The following ANK3 variants were observed in gnomAD, a reference collection of about 807,000 sequenced individuals.
The protein encoded by ANK3 is ankyrin 3.
In ANK3, 57 loss-of-function variants were observed where a neutral mutation model predicts 370.9. That is an observed-to-expected ratio of 0.15 (90% CI 0.12 to 0.19). The LOEUF (loss-of-function observed/expected upper bound fraction) is 0.19, where lower values mean the gene tolerates loss of function less well. ANK3 is among the 10% of genes least tolerant of loss of function. The probability of loss-of-function intolerance (pLI) is 1.00; values close to 1 mark genes in which losing one functional copy is unlikely to be tolerated. For synonymous variants in ANK3, 1,929 were observed against 1,946.3 expected, an observed-to-expected ratio of 0.99 and a Z score of 0.23; for missense variants, 4,439 against 5,302.1, an observed-to-expected ratio of 0.84 and a Z score of 5.06.
intron 1 of ANK3, among the ~76,000 whole-genome samples, chr10:60,661,971 G>C (rs7904269): frequency 0.34 from 52,028 of 151,964 alleles, 9,102 homozygotes; most frequent in African/African-American, 0.39. Flanking sequence ...TTAGCTCTAA[G>C]CTGCTATACT....
chr10:60,463,696 A>G (rs2064944999), intron 2 of ANK3, among the ~76,000 whole-genome samples: 1 of 146,602 alleles, frequency 6.8e-6, no homozygotes, highest in African/African-American at 2.5e-5. Context: ...AAAAACCCAA[A>G]CCAAATAATT....
intron 42 of ANK3, among the ~76,000 whole-genome samples, chr10:60,048,089 A>C (rs2077244912): frequency 6.6e-6 from 1 of 152,236 alleles, no homozygotes; most frequent in Admixed American, 6.5e-5. Context: ...AATTCTAAGA[A>C]GACAGATTTG....
intron 7 of ANK3, among the ~76,000 whole-genome samples, chr10:60,236,274 G>A (rs1417978975): frequency 1.3e-5 from 2 of 150,054 alleles, no homozygotes; most frequent in African/African-American, 5.1e-5. Flanking sequence ...AAAAAATCAC[G>A]ATACCATTAT....
At chr10:60,668,571 T>C (rs1459734977) in intron 1 of ANK3, among the ~76,000 whole-genome samples, 2 of 152,184 alleles carry the variant, frequency 1.3e-5, no homozygotes, top group East Asian at 1.9e-4. Flanking sequence ...TCCTGCTGGA[T>C]AGAAGAAATG....
intron 2 of ANK3, among the ~76,000 whole-genome samples, chr10:60,497,130 T>C (rs2075678920): frequency 6.6e-6 from 1 of 151,906 alleles, no homozygotes; most frequent in African/African-American, 2.4e-5. Context: ...GGTGAGATGC[T>C]GTCACTATAA....
At chr10:60,374,030 G>A (rs1424512899) in intron 1 of ANK3, among the ~76,000 whole-genome samples, 3 of 152,070 alleles carry the variant, frequency 2.0e-5, no homozygotes, top group African/African-American at 7.2e-5. Flanking sequence ...CAGTGTCAAG[G>A]GAGCTAGAAG....
At chr10:60,305,917 G>A (rs149959115) in intron 1 of ANK3, among the ~76,000 whole-genome samples, 47 of 152,266 alleles carry the variant, frequency 3.1e-4, no homozygotes, top group Non-Finnish European at 6.3e-4. Context: ...CGGATATGGC[G>A]TTAACATTTT....
Position 60,172,413 on chromosome 10 carries a change from G to T in ANK3, c.2383-10C>A. 6.2e-7 allele frequency: 1 copy of T among 1,612,398 alleles called. No individual in the cohort carries two copies. Among genetic ancestry groups the T allele is most frequent in the Non-Finnish European group, 8.5e-7 (1 of 1,178,564 alleles). ...GGGCAGTATTCCCATTCTGGCAAAA[G>T]GAAAATGTGAGTGAGGAATTAGCAA... On this transcript the variant is annotated splice_polypyrimidine_tract_variant and intron_variant, in intron 20 of 43. Coordinates refer to ENST00000280772, the MANE Select transcript of ANK3 (RefSeq NM_020987.5).
chr10:60,252,729 C>A (rs2097687379), intron 7 of ANK3, among the ~76,000 whole-genome samples: 1 of 152,136 alleles, frequency 6.6e-6, no homozygotes, highest in East Asian at 1.9e-4. Flanking sequence ...ATGAGACTTT[C>A]TCATGCTGAC....
chr10:60,439,636 T>C (rs898394486), intron 2 of ANK3, among the ~76,000 whole-genome samples: 1 of 152,220 alleles, frequency 6.6e-6, no homozygotes, highest in African/African-American at 2.4e-5. Context: ...GCCTCAGGAA[T>C]GCCATCCAAC....
intron 1 of ANK3, among the ~76,000 whole-genome samples, chr10:60,376,196 C>A (rs2060752051): frequency 6.6e-6 from 1 of 152,206 alleles, no homozygotes; most frequent in African/African-American, 2.4e-5. Flanking sequence ...AATCTGTTTT[C>A]CTATTACTTC....
At chr10:60,340,648 G>A (rs2054062111) in intron 1 of ANK3, among the ~76,000 whole-genome samples, 1 of 152,084 alleles carries the variant, frequency 6.6e-6, no homozygotes, top group South Asian at 2.1e-4. Flanking sequence ...CTGGGCTCAA[G>A]CAATCCTCCC....
intron 1 of ANK3, among the ~76,000 whole-genome samples, chr10:60,361,735 T>A (rs996875563): frequency 6.6e-6 from 1 of 152,226 alleles, no homozygotes; most frequent in Non-Finnish European, 1.5e-5. Flanking sequence ...TAGTTCACTT[T>A]TTGTCCTGAT....
chr10:60,606,500 A>T (rs1358050877), intron 2 of ANK3, among the ~76,000 whole-genome samples: 1 of 152,210 alleles, frequency 6.6e-6, no homozygotes, highest in Non-Finnish European at 1.5e-5. Context: ...CTGTTGAATT[A>T]AAAGTGAAAG....
intron 16 of ANK3, among the ~76,000 whole-genome samples, chr10:60,190,870 C>G (rs1278422418): frequency 6.6e-6 from 1 of 152,088 alleles, no homozygotes; most frequent in Non-Finnish European, 1.5e-5. Flanking sequence ...CAGCATGGCA[C>G]TGGTATAGAA....
Position 60,140,444 on chromosome 10 carries a change from CCAAAA to C in ANK3, c.2615-1362_2615-1358del, listed in dbSNP as rs1285156660. The C allele has an allele frequency of 1.9e-6, 3 of 1,611,942 alleles. No individual in the cohort carries two copies. In the African/African-American group the frequency reaches 4.0e-5, roughly 22 times the overall value. ...TTAAGCAGTGATTTAGAATCAACCT[CCAAAA>C]CAGCTCAAGGAAACCAATCCCTGGT... On this transcript the variant is annotated intron_variant, in intron 23 of 43. Transcript: ENST00000280772.
chr10:60,069,884 G>T lies in ANK3; in HGVS notation c.10997C>A (p.Thr3666Asn). 1 of 1,614,002 alleles carries T rather than the reference G, an allele frequency of 6.2e-7. No individual in the cohort carries two copies. Among genetic ancestry groups the T allele is most frequent in the Admixed American group, 1.7e-5 (1 of 59,990 alleles). ...ATTTCTCTCTAGATTGGTTTCTACA[G>T]TGGTGTCCCCTGACTGTGGCTGTGG... is the stretch of plus-strand genomic sequence containing the variant. ...ATPQPQSGDT[T>N]VETNLERNVE... The change falls in exon 37 of 44, where the codon ACT (threonine) becomes AAT (asparagine). Residue 3666 changes from threonine (T) to asparagine (N), a missense_variant. This residue lies in a region of ANK3 where 496 missense variants were observed against 529.3 expected (regional missense o/e 0.94). Transcript: ENST00000280772.
At chr10:60,173,219 C>T (rs759169849) in intron 18 of ANK3, 33 bp from the exon 19 acceptor site, 74 of 1,511,302 alleles carry the variant, frequency 4.9e-5, no homozygotes, top group Non-Finnish European at 6.6e-5. Flanking sequence ...AAAGAAGCAT[C>T]ATAATTACAC....
intron 8 of ANK3, among the ~76,000 whole-genome samples, chr10:60,227,670 A>G (rs1284252560): frequency 6.6e-5 from 10 of 151,646 alleles, no homozygotes; most frequent in Admixed American, 6.6e-4. Context: ...AAGTCCTCCA[A>G]TTTTTTTCTT....
Sources: allele counts gnomAD v4.1 joint callset (sites outside exome capture counted in the v4.1 genomes callset), GRCh38; gene constraint gnomAD v4.1.1; regional missense constraint gnomAD v4.1.1; transcripts MANE v1.5; gene names NCBI Gene and HGNC (gene_info 2026-07-23, HGNC 2026-07-21).